Variants in C16orf89 observed in about 807,000 individuals in gnomAD.
The protein encoded by C16orf89 is UPF0764 protein C16orf89.
In C16orf89, 57 loss-of-function variants were observed where a neutral mutation model predicts 41.5. The ratio of observed to expected loss-of-function variants is 1.38; its 90% CI spans 1.11 to 1.71. C16orf89 has a LOEUF of 1.71. C16orf89 is among the 40% of genes most tolerant of loss of function. The probability of loss-of-function intolerance (pLI) is 0.00; values close to 1 mark genes in which losing one functional copy is unlikely to be tolerated. For synonymous variants in C16orf89, 223 were observed against 190.6 expected, an observed-to-expected ratio of 1.17 and a Z score of -1.40; for missense variants, 575 against 445.9, an observed-to-expected ratio of 1.29 and a Z score of -2.61.
At chr16:5,057,904 T>G (rs1956543119) in intron 4 of C16orf89, among the ~76,000 whole-genome samples, 1 of 152,020 alleles carries the variant, frequency 6.6e-6, no homozygotes, top group South Asian at 2.1e-4. Context: ...CTCGTTGTGT[T>G]TTTCTGATGC....
At chr16:5,048,782 T>A (rs1956347984) in intron 6 of C16orf89, among the ~76,000 whole-genome samples, 1 of 149,820 alleles carries the variant, frequency 6.7e-6, no homozygotes, top group East Asian at 2.0e-4. Flanking sequence ...GTGATAACAA[T>A]AAGAAAGGAA....
intron 1 of C16orf89, among the ~76,000 whole-genome samples, chr16:5,064,101 G>C (rs1472460670): frequency 6.6e-6 from 1 of 151,976 alleles, no homozygotes; most frequent in Non-Finnish European, 1.5e-5. Flanking sequence ...CTGCAGCCTG[G>C]GCGACAGAGC....
chr16:5,051,718 A>AC (rs1956400189), intron 6 of C16orf89, among the ~76,000 whole-genome samples: 1 of 152,196 alleles, frequency 6.6e-6, no homozygotes, highest in Non-Finnish European at 1.5e-5. Flanking sequence ...CCCACCAAAG[A>AC]CCCCAAATAG....
At position 5,044,485 on chromosome 16, in the gene C16orf89, G is replaced by T. The variant is rs367987886; in HGVS notation, c.956-7C>A. On this transcript the variant is annotated splice_polypyrimidine_tract_variant and splice_region_variant and intron_variant, in intron 7 of 7. Transcript: ENST00000472572. ...TTGTGGGAGGAGCAGCCATCTAGGG[G>T]AGAGAGCCCCCATGAGTGCTGGGTG... 6.2e-7 allele frequency: 1 copy of T among 1,612,200 alleles called. No homozygotes were observed. The highest frequency in any genetic ancestry group is 2.2e-5 in the East Asian group (1 of 44,862).
intron 6 of C16orf89, 26 bp downstream of exon 6, chr16:5,055,220 T>A: frequency 8.5e-6 from 13 of 1,524,378 alleles, no homozygotes; most frequent in Non-Finnish European, 1.2e-5. Context: ...GCCCCCCTTC[T>A]TAGCCAGGGC....
intron 4 of C16orf89, among the ~76,000 whole-genome samples, chr16:5,057,164 G>A (rs933384958): frequency 1.3e-5 from 2 of 151,038 alleles, no homozygotes; most frequent in African/African-American, 4.9e-5. Flanking sequence ...TTAAATCCGG[G>A]AGGCAGAGGT....
At position 5,044,459 on chromosome 16, in the gene C16orf89, G is replaced by A. The variant is rs371006979; in HGVS notation, c.975C>T (p.Asn325=). The change falls in exon 8 of 8, where the codon AAC becomes AAT. Residue 325 remains asparagine, a synonymous_variant. Transcript: ENST00000472572. ...KQFPDGCSSH[N]TATAVAALGG... Reference sequence around the variant, plus strand: ...CCAGGGCTGCCACTGCTGTGGCTGTGTTGTGGGAGGAGCAGCCATCTAGGG... The same window carrying A: ...CCAGGGCTGCCACTGCTGTGGCTGTATTGTGGGAGGAGCAGCCATCTAGGG... 743 of 1,612,818 alleles carry A rather than the reference G, an allele frequency of 4.6e-4. 5 individuals are homozygous for A. Among genetic ancestry groups the A allele is most frequent in the African/African-American group, 3.7e-3 (275 of 74,988 alleles).
chr16:5,063,964 C>T (rs143467644), intron 1 of C16orf89, among the ~76,000 whole-genome samples: 92 of 151,896 alleles, frequency 6.1e-4, no homozygotes, highest in African/African-American at 2.1e-3. Context: ...TCATCTCTAC[C>T]AAAAATACAA....
chr16:5,062,615 C>T (rs769209738), intron 1 of C16orf89, 41 bp from the exon 2 acceptor site: 31 of 1,522,538 alleles, frequency 2.0e-5, no homozygotes, highest in South Asian at 5.0e-5. Context: ...TATTTGGAAT[C>T]GGGACCTTTT....
At chr16:5,046,055 C>G (rs970765548) in intron 7 of C16orf89, among the ~76,000 whole-genome samples, 2 of 152,150 alleles carry the variant, frequency 1.3e-5, no homozygotes, top group African/African-American at 2.4e-5. Flanking sequence ...CCCAGCCCCT[C>G]TGTGTCATAA....
intron 1 of C16orf89, among the ~76,000 whole-genome samples, chr16:5,065,462 T>C: frequency 6.6e-6 from 1 of 152,210 alleles, no homozygotes; most frequent in East Asian, 1.9e-4. Context: ...AAAAAGATAA[T>C]TCCCAAATCC....
chr16:5,044,296 G>T lies in C16orf89; in HGVS notation c.*52C>A. 1 of 1,543,310 alleles carries T rather than the reference G, an allele frequency of 6.5e-7. No homozygotes were observed. The highest frequency in any genetic ancestry group is 1.3e-5 in the South Asian group (1 of 79,518). ...GTGCCCTCCAGGATCTAAGGGATGA[G>T]GACTAAAGGGGTCTGTTCCTCCTCC... On this transcript the variant is annotated 3_prime_UTR_variant, in exon 8 of 8. Coordinates refer to ENST00000472572, the MANE Select transcript of C16orf89 (RefSeq NM_001098514.3).
rs138580170 is a variant in C16orf89, at chr16:5,056,745, A to G, written c.628-557T>C. Among the ~76,000 whole-genome samples the G allele has an allele frequency of 8.4e-3, 1,273 of 152,302 alleles. 14 individuals carry two copies. Among genetic ancestry groups the G allele is most frequent in the East Asian group, 0.038 (195 of 5,186 alleles). On this transcript the variant is annotated intron_variant, in intron 4 of 7. Transcript: ENST00000472572. ...GTCAGAGTTACTTTCCACCTGCTGA[A>G]TCTAATGATCAAAATAATTCCCTTG...
At chr16:5,051,272 G>A (rs778729752) in intron 6 of C16orf89, among the ~76,000 whole-genome samples, 38 of 152,164 alleles carry the variant, frequency 2.5e-4, no homozygotes, top group Non-Finnish European at 5.1e-4. Flanking sequence ...GTACCTGTTT[G>A]CAGATGACAT....
At chr16:5,065,479 A>G (rs1956720107) in intron 1 of C16orf89, among the ~76,000 whole-genome samples, 1 of 152,146 alleles carries the variant, frequency 6.6e-6, no homozygotes, top group Non-Finnish European at 1.5e-5. Context: ...ATCCCTTCCC[A>G]TGTTGCCTTT....
chr16:5,060,945 CT>C (rs386384101), intron 2 of C16orf89, among the ~76,000 whole-genome samples: 2,849 of 93,452 alleles, frequency 0.03, 42 homozygotes, highest in African/African-American at 0.037. Flanking sequence ...TATGATCAGC[CT>C]TTTTTTTTTT....
intron 7 of C16orf89, among the ~76,000 whole-genome samples, chr16:5,046,633 G>A (rs780442499): frequency 2.0e-5 from 3 of 152,204 alleles, no homozygotes; most frequent in Non-Finnish European, 2.9e-5. Flanking sequence ...TTACAGGCAT[G>A]AGCCACTGTG....
chr16:5,051,680 G>GA (rs889378874), intron 6 of C16orf89, among the ~76,000 whole-genome samples: 30 of 150,808 alleles, frequency 2.0e-4, no homozygotes, highest in African/African-American at 5.8e-4. Flanking sequence ...CACAGAAATA[G>GA]AAAAAAAAAT....
intron 2 of C16orf89, among the ~76,000 whole-genome samples, chr16:5,060,797 C>T (rs1212762932): frequency 6.6e-6 from 1 of 151,932 alleles, no homozygotes; most frequent in Non-Finnish European, 1.5e-5. Context: ...GCCCAACGTT[C>T]AAGACCAGCC....
Sources: gnomAD v4.1 joint callset for allele counts (sites outside exome capture counted in the v4.1 genomes callset) on GRCh38, gnomAD v4.1.1 for gene constraint, MANE v1.5 for transcripts, NCBI Gene and HGNC (gene_info 2026-07-23, HGNC 2026-07-21) for gene names.